Variants in ZNF516 observed in about 807,000 individuals in gnomAD.
ZNF516 encodes zinc finger protein 516.
Under a neutral mutation model 79.7 loss-of-function variants are expected in ZNF516, and 19 were observed. The ratio of observed to expected loss-of-function variants is 0.24; its 90% CI spans 0.17 to 0.35. The LOEUF (loss-of-function observed/expected upper bound fraction) is 0.35, where lower values mean the gene tolerates loss of function less well. Ranked by LOEUF, ZNF516 falls within the 10% of genes least tolerant of loss-of-function variation. ZNF516 has a pLI of 1.00. For missense variants in ZNF516, 1,678 were observed against 1,679.5 expected, an observed-to-expected ratio of 1.00 and a Z score of 0.02; for synonymous variants, 877 against 739.5, an observed-to-expected ratio of 1.19 and a Z score of -3.02.
At chr18:76,386,789 T>C (rs1255116104) in intron 3 of ZNF516, 1 of 152,246 alleles carries the variant, frequency 6.6e-6, no homozygotes, top group East Asian at 1.9e-4. Flanking sequence ...TTTCCAGTTC[T>C]ATGACTGACA....
intron 1 of ZNF516, among the ~76,000 whole-genome samples, chr18:76,466,629 G>A (rs982881208): frequency 2.0e-5 from 3 of 152,252 alleles, no homozygotes; most frequent in African/African-American, 7.2e-5. Context: ...TCTGTGGACA[G>A]GCTCTCTAGA....
intron 6 of ZNF516, among the ~76,000 whole-genome samples, chr18:76,363,399 G>A (rs2074567390): frequency 6.6e-6 from 1 of 152,184 alleles, no homozygotes; most frequent in Non-Finnish European, 1.5e-5. Context: ...GGCGGAGTGG[G>A]GGAAGGTCTG....
chr18:76,416,814 T>C (rs1358171813), intron 3 of ZNF516, among the ~76,000 whole-genome samples: 1 of 152,192 alleles, frequency 6.6e-6, no homozygotes, highest in Non-Finnish European at 1.5e-5. Flanking sequence ...TCCTTCCTCA[T>C]TGATTTTAGA....
rs116089304 is a variant in ZNF516 at position 76,457,361 on chromosome 18, T to C, written c.-158+5667A>G. On this transcript the variant is annotated intron_variant, in intron 2 of 6. Coordinates refer to ENST00000443185, the MANE Select transcript of ZNF516 (RefSeq NM_014643.4). ...ATCTCAAACTAGTTCTTAAATCCCT[T>C]AAGGGAAACTACGTTAACTAAATAA... is the stretch of plus-strand genomic sequence containing the variant. 7.7e-3 allele frequency among the ~76,000 whole-genome samples: 1,168 copies of C among 152,336 alleles called. 22 individuals are homozygous for C. The highest frequency in any genetic ancestry group is 0.027 in the African/African-American group (1,129 of 41,578).
At chr18:76,491,652 G>T in intron 1 of ZNF516, 1 of 661,076 alleles carries the variant, frequency 1.5e-6, no homozygotes, top group Non-Finnish European at 1.8e-6. Flanking sequence ...TGGCAGCCCA[G>T]CAACAAGCGG....
At position 76,367,529 on chromosome 18, in the gene ZNF516, G is replaced by A. The variant is rs566992589; in HGVS notation, c.3432+2999C>T. ...GCCCACCCACTCTGGCTCTCCCTCC[G>A]TGAGCTGACCCCCACCCAGTTCCTC... On this transcript the variant is annotated intron_variant, in intron 6 of 6. Coordinates refer to ENST00000443185, the MANE Select transcript of ZNF516 (RefSeq NM_014643.4). 2.3e-4 allele frequency among the ~76,000 whole-genome samples: 35 copies of A among 152,218 alleles called. No individual in the cohort carries two copies. In the East Asian group the frequency reaches 3.9e-3, roughly 17 times the overall value.
At position 76,442,071 on chromosome 18, in the gene ZNF516, G is replaced by C; in HGVS notation, c.984C>G (p.Val328=). ...AGACCTCGTAGAGGCTCAGGCCGGC[G>C]ACGATCACCTCCTCCTGGACCACGT... The part of the protein sequence containing the change: ...INNVVQEEVI[V]AGLSLYEVCA... The change falls in exon 3 of 7, where the codon GTC becomes GTG. Residue 328 remains valine, a synonymous_variant. Coordinates refer to ENST00000443185, the MANE Select transcript of ZNF516 (RefSeq NM_014643.4). 6.2e-7 allele frequency: 1 copy of C among 1,613,996 alleles called. No homozygotes were observed. Among genetic ancestry groups the C allele is most frequent in the Non-Finnish European group, 8.5e-7 (1 of 1,179,894 alleles).
chr18:76,426,202 A>G (rs1253657579), intron 3 of ZNF516, among the ~76,000 whole-genome samples: 1 of 152,254 alleles, frequency 6.6e-6, no homozygotes, highest in East Asian at 1.9e-4. Flanking sequence ...TAACAAATGT[A>G]AACTGCAGAA....
intron 3 of ZNF516, among the ~76,000 whole-genome samples, chr18:76,419,471 A>C (rs1333085708): frequency 6.6e-6 from 1 of 152,240 alleles, no homozygotes; most frequent in Non-Finnish European, 1.5e-5. Flanking sequence ...ATAACAATAC[A>C]TAAATAAAAT....
At chr18:76,435,064 A>T (rs1662527199) in intron 3 of ZNF516, among the ~76,000 whole-genome samples, 1 of 152,226 alleles carries the variant, frequency 6.6e-6, no homozygotes, top group African/African-American at 2.4e-5. Flanking sequence ...CTTACCAATA[A>T]AACGGGAGGA....
rs879497249 is a variant in ZNF516 at position 76,459,785 on chromosome 18, A to T, written c.-158+3243T>A. ...TCACAACGCGGGAGGATTCAGGGCC[A>T]ACTGCAGGCCCCCGGAGACGAGGTT... On this transcript the variant is annotated intron_variant, in intron 2 of 6. Transcript: ENST00000443185. The surrounding 1 kb of genome is among the most constrained non-coding windows in gnomAD (Gnocchi z 5.0). Among the ~76,000 whole-genome samples the T allele has an allele frequency of 5.9e-5, 9 of 152,200 alleles. No homozygotes were observed. Among genetic ancestry groups the T allele is most frequent in the Non-Finnish European group, 8.8e-5 (6 of 68,036 alleles).
intron 3 of ZNF516, among the ~76,000 whole-genome samples, chr18:76,422,353 C>T (rs112241671): frequency 3.3e-5 from 5 of 152,308 alleles, no homozygotes; most frequent in African/African-American, 7.2e-5. Context: ...AGGGGCCTGA[C>T]GGATGATGAC....
Position 76,360,646 on chromosome 18 carries a change from A to AAAATATAT in ZNF516, c.*1851_*1852insATATATTT, listed in dbSNP as rs373540251. The AAAATATAT allele has an allele frequency of 6.9e-4, 50 of 72,454 alleles. 1 individual carries two copies. Among genetic ancestry groups the AAAATATAT allele is most frequent in the Non-Finnish European group, 1.0e-3 (38 of 36,922 alleles). The allele number at this position is 72,454 out of a possible 1,614,324, so 4.5% of individuals were successfully genotyped here. A position where few individuals can be genotyped will look rare whatever the true frequency, so the allele number is the denominator to read the frequency against. Reference sequence around the variant, plus strand: ...AAAAAAATAAGTAAAAAAAAAAAAAAATATATATATATATATATATATATA... The same window carrying AAAATATAT: ...AAAAAAATAAGTAAAAAAAAAAAAAAAAATATATATATATATATATATATATATATATA... On this transcript the variant is annotated 3_prime_UTR_variant, in exon 7 of 7. Coordinates refer to ENST00000443185, the MANE Select transcript of ZNF516 (RefSeq NM_014643.4).
chr18:76,492,207 A>G (rs372835288), intron 1 of ZNF516: 1 of 985,406 alleles, frequency 1.0e-6, no homozygotes, highest in South Asian at 4.7e-5. Flanking sequence ...CTCCCGGAAG[A>G]CACCGCGTCT....
chr18:76,371,823 G>A (rs1435101483), intron 4 of ZNF516, among the ~76,000 whole-genome samples: 3 of 152,226 alleles, frequency 2.0e-5, no homozygotes, highest in East Asian at 1.9e-4. Flanking sequence ...GGGACAGGAG[G>A]TGCCCGCCAG....
At chr18:76,429,837 C>T (rs562520834) in intron 3 of ZNF516, among the ~76,000 whole-genome samples, 1 of 152,202 alleles carries the variant, frequency 6.6e-6, no homozygotes, top group Non-Finnish European at 1.5e-5. Context: ...CTGCCAGACA[C>T]CGCACGGCTA....
At chr18:76,439,964 A>G (rs781243425) in intron 3 of ZNF516, among the ~76,000 whole-genome samples, 3 of 152,202 alleles carry the variant, frequency 2.0e-5, no homozygotes, top group Non-Finnish European at 2.9e-5. Context: ...AAAAAATCCA[A>G]AAGTGTTCAT....
At chr18:76,369,695 T>C (rs1486366012) in intron 6 of ZNF516, among the ~76,000 whole-genome samples, 1 of 152,144 alleles carries the variant, frequency 6.6e-6, no homozygotes, top group Non-Finnish European at 1.5e-5. Flanking sequence ...GGACACAAAC[T>C]GAATTCCACC....
rs1262619306 is a variant in ZNF516, at chr18:76,360,322, AG to A, written c.*2175del. 1.3e-5 allele frequency: 2 copies of A among 152,244 alleles called. No individual in the cohort carries two copies. The highest frequency in any genetic ancestry group is 2.9e-5 in the Non-Finnish European group (2 of 68,038). The allele number at this position is 152,244 out of a possible 1,614,324, so 9.4% of individuals were successfully genotyped here. A position where few individuals can be genotyped will look rare whatever the true frequency, so the allele number is the denominator to read the frequency against. On this transcript the variant is annotated 3_prime_UTR_variant, in exon 7 of 7. Coordinates refer to ENST00000443185, the MANE Select transcript of ZNF516 (RefSeq NM_014643.4). ...TTTAATAACTAAAACACAGAGAAAC[AG>A]GACTGGGTCACTAGTCCCTGACATT...
Sources: allele counts gnomAD v4.1 joint callset (sites outside exome capture counted in the v4.1 genomes callset), GRCh38; gene constraint gnomAD v4.1.1; non-coding constraint Gnocchi (gnomAD v3.1); transcripts MANE v1.5; gene names NCBI Gene and HGNC (gene_info 2026-07-23, HGNC 2026-07-21).